OLAH: variants seen among roughly 807,000 people sequenced by gnomAD.
The protein encoded by OLAH is oleoyl-ACP hydrolase, also known as S-acyl fatty acid synthase thioesterase, medium chain.
In OLAH, 33 loss-of-function variants were observed where a neutral mutation model predicts 27.8. That is an observed-to-expected ratio of 1.19 (90% CI 0.90 to 1.59). The LOEUF (loss-of-function observed/expected upper bound fraction) is 1.59. OLAH is among the 40% of genes most tolerant of loss of function. The pLI, the probability that OLAH is intolerant of heterozygous loss-of-function variation, is 0.00. For synonymous variants in OLAH, 120 were observed against 102.9 expected (o/e 1.17, Z -1.01); for missense variants, 359 against 310.8 (o/e 1.16, Z -1.17).
intron 6 of OLAH, among the ~76,000 whole-genome samples, chr10:15,070,820 C>G (rs1000289185): frequency 1.5e-5 from 2 of 130,866 alleles, no homozygotes; most frequent in Non-Finnish European, 3.1e-5. Context: ...GGATCTTACT[C>G]TGTTGCTCAG....
chr10:15,047,354 C>G (rs1844039825), intron 2 of OLAH, 34 bp downstream of exon 2: 9 of 1,608,636 alleles, frequency 5.6e-6, no homozygotes, highest in Non-Finnish European at 7.6e-6. Flanking sequence ...GGCTCTTCCT[C>G]CATCCCAGGG....
upstream of OLAH, among the ~76,000 whole-genome samples, chr10:15,040,193 T>A (rs1223436745): frequency 1.3e-5 from 2 of 152,130 alleles, no homozygotes; most frequent in Admixed American, 1.3e-4. Context: ...CCAGTCATAA[T>A]CCCATTACAC....
At chr10:15,036,765 C>T (rs1354726928) in intron 1 of OLAH, among the ~76,000 whole-genome samples, 1 of 152,114 alleles carries the variant, frequency 6.6e-6, no homozygotes, top group Non-Finnish European at 1.5e-5. Context: ...TCTAGGATTA[C>T]AGCCTCTCAG....
chr10:15,065,565 T>G lies in OLAH; in HGVS notation c.403-19T>G. 1.9e-6 allele frequency: 3 copies of G among 1,600,290 alleles called. No individual in the cohort carries two copies. Among genetic ancestry groups the G allele is most frequent in the Non-Finnish European group, 2.6e-6 (3 of 1,174,504 alleles). Reference sequence around the variant, plus strand: ...TGTTATATGAAATATCAGGCCTGTGTTGTTGTTCATGTTTCAAGTCAAAGG... The same window carrying G: ...TGTTATATGAAATATCAGGCCTGTGGTGTTGTTCATGTTTCAAGTCAAAGG... On this transcript the variant is annotated intron_variant, in intron 5 of 7. Transcript: ENST00000378228.
At chr10:15,066,972 C>G (rs1213291337) in intron 6 of OLAH, among the ~76,000 whole-genome samples, 1 of 152,198 alleles carries the variant, frequency 6.6e-6, no homozygotes, top group Non-Finnish European at 1.5e-5. Flanking sequence ...CTGCACAGCA[C>G]TGTGACTACA....
chr10:15,065,680 G>T lies in OLAH; in HGVS notation c.499G>T (p.Ala167Ser), dbSNP rs534378486. ...ATTTGGAGGCACCCCCAAGCATTTT[G>T]CTGAAGCCAAGGAATTTGTGAAACA... The part of the protein sequence containing the change: ...MEFGGTPKHF[A>S]EAKEFVKQCS... Residue 167 changes from alanine (A) to serine (S), a missense_variant, in exon 6 of 8, where the codon GCT (alanine) becomes TCT (serine). Transcript: ENST00000378228. 1 of 1,614,136 alleles carries T rather than the reference G, an allele frequency of 6.2e-7. No individual in the cohort carries two copies. The highest frequency in any genetic ancestry group is 2.2e-5 in the East Asian group (1 of 44,886).
intron 1 of OLAH, among the ~76,000 whole-genome samples, chr10:15,038,918 T>C (rs1328352853): frequency 1.3e-5 from 2 of 152,114 alleles, no homozygotes; most frequent in African/African-American, 2.4e-5. Flanking sequence ...ATATTCAGCA[T>C]CTTGACTGGG....
chr10:15,061,650 T>C lies in OLAH; in HGVS notation c.164-74T>C, dbSNP rs78424710. The C allele has an allele frequency of 5.9e-4, 807 of 1,372,474 alleles. 4 individuals carry two copies. The African/African-American group carries it at 0.011, about 18-fold the overall frequency. 85.0% of individuals were successfully genotyped at this position (1,372,474 alleles called of 1,614,324 possible). On this transcript the variant is annotated intron_variant, in intron 3 of 7. Coordinates refer to ENST00000378228, the MANE Select transcript of OLAH (RefSeq NM_001039702.3). ...TTTGAAATTTTTTCCATCAGGTAAA[T>C]ATGAGCCCTTTTATAACATCACAAT...
chr10:15,066,817 T>G (rs1844478453), intron 6 of OLAH, among the ~76,000 whole-genome samples: 1 of 151,986 alleles, frequency 6.6e-6, no homozygotes. Context: ...CTTTTGCATT[T>G]TTAGTAGAGA....
In OLAH at chr10:15,047,813, C is replaced by T. The variant is rs550050205; in HGVS notation, c.32+493C>T. Among the ~76,000 whole-genome samples, 3 of 152,150 alleles carry T rather than the reference C, an allele frequency of 2.0e-5. No homozygotes were observed. The South Asian group carries it at 6.2e-4, about 32-fold the overall frequency. The stretch of plus-strand genomic sequence containing the variant: ...TTTCTCCAGAAATTATCCACCCCCC[C>T]AAAAAAAGTTTTCGTTTGTGCCTAG... On this transcript the variant is annotated intron_variant, in intron 2 of 7. Coordinates refer to ENST00000378228, the MANE Select transcript of OLAH (RefSeq NM_001039702.3).
chr10:15,064,956 C>T (rs1369404030), intron 5 of OLAH, among the ~76,000 whole-genome samples: 2 of 152,244 alleles, frequency 1.3e-5, no homozygotes, highest in African/African-American at 2.4e-5. Context: ...CACACCCAGC[C>T]TGCCATTACT....
chr10:15,046,206 C>T (rs1025310995), intron 1 of OLAH, among the ~76,000 whole-genome samples: 2 of 151,382 alleles, frequency 1.3e-5, no homozygotes, highest in Non-Finnish European at 2.9e-5. Flanking sequence ...GTTATCTGGG[C>T]GCAGTGGTGG....
chr10:15,060,073 G>T (rs1356149646), intron 3 of OLAH, among the ~76,000 whole-genome samples: 2 of 151,350 alleles, frequency 1.3e-5, no homozygotes, highest in Non-Finnish European at 2.9e-5. Context: ...TCTCCTTCTG[G>T]GACTCCAATT....
intron 1 of OLAH, among the ~76,000 whole-genome samples, chr10:15,036,341 T>C (rs1287157286): frequency 6.6e-6 from 1 of 152,050 alleles, no homozygotes; most frequent in Non-Finnish European, 1.5e-5. Context: ...CTACTAAAAA[T>C]ACAGAAATTA....
At chr10:15,042,481 T>C (rs1299567478), upstream of OLAH, among the ~76,000 whole-genome samples, 1 of 152,182 alleles carries the variant, frequency 6.6e-6, no homozygotes, top group Non-Finnish European at 1.5e-5. Flanking sequence ...AGGCATGCAA[T>C]GTAATGTCAC....
intron 6 of OLAH, chr10:15,068,072 TCTGA>T (rs1486648514): frequency 5.9e-5 from 9 of 152,236 alleles, no homozygotes; most frequent in South Asian, 4.1e-4. Context: ...AATAATTTCC[TCTGA>T]CTGTCTTCAA....
intron 6 of OLAH, among the ~76,000 whole-genome samples, chr10:15,070,110 T>C (rs764651397): frequency 2.0e-5 from 3 of 151,922 alleles, no homozygotes; most frequent in Non-Finnish European, 4.4e-5. Context: ...CAGCTCTCTG[T>C]TGAGTTCACG....
At chr10:15,066,851 G>T (rs2131375724) in intron 6 of OLAH, among the ~76,000 whole-genome samples, 1 of 152,062 alleles carries the variant, frequency 6.6e-6, no homozygotes, top group South Asian at 2.1e-4. Context: ...TGTTGGCCAG[G>T]CTGGTCTCAA....
At chr10:15,071,962 C>G (rs1844596742) in intron 7 of OLAH, 85 bp downstream of exon 7, 1 of 947,944 alleles carries the variant, frequency 1.1e-6, no homozygotes, top group African/African-American at 1.7e-5. Context: ...GAGACAGAGT[C>G]TCGCCCTGTC....
Sources: allele counts gnomAD v4.1 joint callset (sites outside exome capture counted in the v4.1 genomes callset), GRCh38; gene constraint gnomAD v4.1.1; transcripts MANE v1.5; gene names NCBI Gene and HGNC (gene_info 2026-07-23, HGNC 2026-07-21).